The following DPF3 variants were observed in gnomAD, a reference collection of about 807,000 sequenced individuals.
DPF3 encodes zinc finger protein DPF3.
A neutral mutation model predicts 56.8 loss-of-function variants in DPF3; 18 were observed. The observed-to-expected ratio is 0.32, with a 90% CI of 0.22 to 0.47. The LOEUF (loss-of-function observed/expected upper bound fraction) is 0.47. DPF3 is among the 20% of genes least tolerant of loss of function. The pLI, the probability that DPF3 is intolerant of heterozygous loss-of-function variation, is 1.00. For missense variants in DPF3, 403 were observed against 488.8 expected (o/e 0.82, Z 1.65); for synonymous variants, 188 against 180.2 (o/e 1.04, Z -0.35).
rs147915277 is a variant in DPF3 at position 72,851,990 on chromosome 14, A to G, written c.32+42067T>C. On this transcript the variant is annotated intron_variant, in intron 1 of 10. Coordinates refer to ENST00000556509, the MANE Select transcript of DPF3 (RefSeq NM_001280542.3). ...GCAAACATCAATTAATCCTCAAAAG[A>G]CGCTTTCAAGAAGAACATTATCCCT... 8.8e-3 allele frequency among the ~76,000 whole-genome samples: 1,345 copies of G among 152,358 alleles called. 15 individuals are homozygous for G. The highest frequency in any genetic ancestry group is 0.031 in the African/African-American group (1,280 of 41,580).
intron 6 of DPF3, among the ~76,000 whole-genome samples, chr14:72,712,615 G>A (rs970192855): frequency 8.5e-5 from 13 of 152,346 alleles, no homozygotes; most frequent in African/African-American, 2.6e-4. Flanking sequence ...GCTCACACCT[G>A]TAATCCCAGC....
chr14:72,665,134 ATCT>A (rs1437530497), intron 8 of DPF3, among the ~76,000 whole-genome samples: 1 of 151,496 alleles, frequency 6.6e-6, no homozygotes, highest in Non-Finnish European at 1.5e-5. Context: ...CTCCAAGAAA[ATCT>A]TCTTGTCTAC....
chr14:72,716,117 A>G (rs1450759215), intron 5 of DPF3, among the ~76,000 whole-genome samples: 1 of 151,844 alleles, frequency 6.6e-6, no homozygotes, highest in Non-Finnish European at 1.5e-5. Flanking sequence ...ACGAGGCAAC[A>G]GCAGACTGGG....
chr14:72,849,241 T>C (rs1219583099), intron 1 of DPF3, among the ~76,000 whole-genome samples: 2 of 152,328 alleles, frequency 1.3e-5, no homozygotes, highest in African/African-American at 2.4e-5. Context: ...CTTATCTCAA[T>C]AGACGCCACA....
chr14:72,828,406 C>T (rs149993566), intron 1 of DPF3, among the ~76,000 whole-genome samples: 14 of 151,998 alleles, frequency 9.2e-5, no homozygotes, highest in African/African-American at 3.4e-4. Context: ...AGGTGTGGTG[C>T]TCACACCTAT....
At chr14:72,662,731 A>T in intron 8 of DPF3, 1 of 993,582 alleles carries the variant, frequency 1.0e-6, no homozygotes, top group Non-Finnish European at 1.2e-6. Context: ...GAAGAGGAAG[A>T]AGAGGAGGAG....
chr14:72,632,096 G>A (rs1437667941), intron 8 of DPF3, among the ~76,000 whole-genome samples: 7 of 152,192 alleles, frequency 4.6e-5, no homozygotes, highest in Admixed American at 4.6e-4. Context: ...GCTGGAGAAG[G>A]ATTACAGGCA....
intron 1 of DPF3, among the ~76,000 whole-genome samples, chr14:72,888,757 T>A (rs1453495048): frequency 2.0e-5 from 3 of 152,252 alleles, no homozygotes; most frequent in African/African-American, 7.2e-5. Context: ...GTTGTGGGAT[T>A]TTTTTGGCCA....
intron 3 of DPF3, among the ~76,000 whole-genome samples, 166 bp from the exon 4 acceptor site, chr14:72,732,100 T>C (rs1368098801): frequency 2.6e-5 from 4 of 152,070 alleles, no homozygotes; most frequent in Admixed American, 6.5e-5. Flanking sequence ...AGCTTTTCCA[T>C]CTCCATTTCA....
At chr14:72,786,677 T>C (rs1892224338) in intron 1 of DPF3, among the ~76,000 whole-genome samples, 1 of 152,156 alleles carries the variant, frequency 6.6e-6, no homozygotes, top group Admixed American at 6.5e-5. Flanking sequence ...AATAATAGAA[T>C]AGGAAACCTA....
intron 1 of DPF3, among the ~76,000 whole-genome samples, chr14:72,868,708 T>C (rs142804082): frequency 6.6e-5 from 10 of 152,072 alleles, no homozygotes; most frequent in African/African-American, 1.9e-4. Context: ...AGGCAGGGAG[T>C]GTCCATCAGA....
chr14:72,638,060 A>G (rs572689030), intron 8 of DPF3, among the ~76,000 whole-genome samples: 4 of 152,322 alleles, frequency 2.6e-5, no homozygotes, highest in African/African-American at 9.6e-5. Context: ...GTAAGGTTCC[A>G]TCGATGAGGA....
Position 72,723,669 on chromosome 14 carries a change from C to T in DPF3, c.489G>A (p.Glu163=). 1.9e-6 allele frequency: 3 copies of T among 1,590,516 alleles called. No individual in the cohort carries two copies. The highest frequency in any genetic ancestry group is 1.2e-5 in the South Asian group (1 of 85,706). The change falls in exon 5 of 11, where the codon GAG becomes GAA. Residue 163 remains glutamate, a synonymous_variant. Coordinates refer to ENST00000556509, the MANE Select transcript of DPF3 (RefSeq NM_001280542.3). ...EEGNEEEDLE[E]DIPKRKNRTR... The stretch of plus-strand genomic sequence containing the variant: ...TCCTGTTCTTTCGCTTGGGAATATC[C>T]TCTTCCAAATCCTCTTCTTCATTCC...
At chr14:72,726,065 T>C (rs1889395623) in intron 4 of DPF3, among the ~76,000 whole-genome samples, 1 of 152,190 alleles carries the variant, frequency 6.6e-6, no homozygotes, top group African/African-American at 2.4e-5. Flanking sequence ...ATAAGTCTCT[T>C]GAGTTCCTGA....
intron 4 of DPF3, among the ~76,000 whole-genome samples, chr14:72,727,358 A>G (rs1160058571): frequency 6.6e-6 from 1 of 152,184 alleles, no homozygotes; most frequent in Non-Finnish European, 1.5e-5. Flanking sequence ...CAGGCGGATC[A>G]CGAGGTTAGG....
intron 3 of DPF3, among the ~76,000 whole-genome samples, chr14:72,742,974 C>T (rs1479355751): frequency 6.6e-6 from 1 of 152,124 alleles, no homozygotes; most frequent in Non-Finnish European, 1.5e-5. Context: ...TGTTGGCCAG[C>T]CTGTGGCCCT....
rs76165331 is a variant in DPF3, at chr14:72,666,584, T to C, written c.871+7656A>G. 2.1e-3 allele frequency among the ~76,000 whole-genome samples: 325 copies of C among 152,324 alleles called. 4 individuals are homozygous for C. The East Asian group carries it at 0.057, about 27-fold the overall frequency. ...AGTTTCCTCATCAGTAAAACGGGAA[T>C]AAATAACATCTACCCTACCTCATAG... On this transcript the variant is annotated intron_variant, in intron 8 of 10. Transcript: ENST00000556509.
intron 1 of DPF3, 76 bp from the exon 2 acceptor site, chr14:72,771,969 A>G: frequency 1.5e-6 from 2 of 1,368,738 alleles, no homozygotes; most frequent in Non-Finnish European, 1.9e-6. Context: ...ACCCAGAGGG[A>G]AACACACCTC....
intron 1 of DPF3, among the ~76,000 whole-genome samples, chr14:72,855,041 A>G (rs1222069965): frequency 6.6e-6 from 1 of 152,212 alleles, no homozygotes; most frequent in East Asian, 1.9e-4. Flanking sequence ...CCCAGACTAC[A>G]TAGGACTTGA....
Sources: gnomAD v4.1 joint callset for allele counts (sites outside exome capture counted in the v4.1 genomes callset) on GRCh38, gnomAD v4.1.1 for gene constraint, MANE v1.5 for transcripts, NCBI Gene and HGNC (gene_info 2026-07-23, HGNC 2026-07-21) for gene names.